The following CFAP45 variants were observed in gnomAD, a reference collection of about 807,000 sequenced individuals.
CFAP45 encodes the protein cilia and flagella associated protein 45, also known as cilia- and flagella-associated protein 45.
In CFAP45, 43 loss-of-function variants were observed where a neutral mutation model predicts 75.6. The observed-to-expected ratio is 0.57, with a 90% CI of 0.45 to 0.73. The LOEUF (loss-of-function observed/expected upper bound fraction) is 0.73, where lower values mean the gene tolerates loss of function less well. CFAP45 is among the 30% of genes least tolerant of loss of function. CFAP45 has a pLI of 0.00. For synonymous variants in CFAP45, 223 were observed against 244.6 expected (o/e 0.91, Z 0.82); for missense variants, 689 against 701.5 (o/e 0.98, Z 0.20).
chr1:159,887,501 A>T (rs1649716948), intron 5 of CFAP45, among the ~76,000 whole-genome samples: 1 of 152,230 alleles, frequency 6.6e-6, no homozygotes, highest in African/African-American at 2.4e-5. Flanking sequence ...GTAACACTGC[A>T]CATTTAATTT....
intron 1 of CFAP45, among the ~76,000 whole-genome samples, chr1:159,897,570 A>C (rs543335503): frequency 6.6e-6 from 1 of 152,332 alleles, no homozygotes; most frequent in South Asian, 2.1e-4. Flanking sequence ...GCGACAGAGC[A>C]AGACTCCATC....
chr1:159,892,939 CA>C (rs1649862166), intron 2 of CFAP45, among the ~76,000 whole-genome samples: 1 of 152,174 alleles, frequency 6.6e-6, no homozygotes, highest in African/African-American at 2.4e-5. Flanking sequence ...GACATTATAA[CA>C]GATTTTAAAC....
rs55908576 is a variant in CFAP45 at position 159,880,051 on chromosome 1, C to T, written c.1044+503G>A. 8.8e-3 allele frequency among the ~76,000 whole-genome samples: 1,337 copies of T among 152,314 alleles called. 6 individuals are homozygous for T. The highest frequency in any genetic ancestry group is 0.014 in the Non-Finnish European group (936 of 68,018). ...AGCTACATCCATCTGCAACTGTCTG[C>T]AGGTATGGCTCTCTCCTCCACTGTG... On this transcript the variant is annotated intron_variant, in intron 8 of 11. Coordinates refer to ENST00000368099, the MANE Select transcript of CFAP45 (RefSeq NM_012337.3).
At chr1:159,880,522 C>T (rs1275390805) in intron 8 of CFAP45, 32 bp downstream of exon 8, 9 of 1,602,454 alleles carry the variant, frequency 5.6e-6, no homozygotes, top group Non-Finnish European at 6.8e-6. Context: ...CATTCCATTC[C>T]TAACCAAAGG....
chr1:159,891,862 T>C (rs933793479), intron 2 of CFAP45, among the ~76,000 whole-genome samples: 2 of 152,262 alleles, frequency 1.3e-5, no homozygotes, highest in African/African-American at 4.8e-5. Context: ...AGCATTTTTC[T>C]GATAGCCCCC....
At position 159,872,575 on chromosome 1, in the gene CFAP45, A is replaced by T; in HGVS notation, c.1578-12T>A. ...GAAGGCCAGTGGCTCTGCCGGGGAAACGCAGGCAGGTATAAGGAAAGGTAT... is the reference window on the plus strand; with the variant it reads ...GAAGGCCAGTGGCTCTGCCGGGGAATCGCAGGCAGGTATAAGGAAAGGTAT... On this transcript the variant is annotated splice_polypyrimidine_tract_variant and intron_variant, in intron 11 of 11. Transcript: ENST00000368099. 1 of 1,612,448 alleles carries T rather than the reference A, an allele frequency of 6.2e-7. No individual in the cohort carries two copies. Among genetic ancestry groups the T allele is most frequent in the Non-Finnish European group, 8.5e-7 (1 of 1,178,448 alleles).
At chr1:159,882,828 A>G (rs1649581884) in intron 7 of CFAP45, among the ~76,000 whole-genome samples, 1 of 152,018 alleles carries the variant, frequency 6.6e-6, no homozygotes, top group Admixed American at 6.5e-5. Context: ...TTTGCCCCAT[A>G]ACTTTCCTTC....
chr1:159,886,202 T>A (rs1649673809), intron 6 of CFAP45, among the ~76,000 whole-genome samples: 1 of 152,034 alleles, frequency 6.6e-6, no homozygotes, highest in South Asian at 2.1e-4. Context: ...TAGCCGGGTG[T>A]GGATGTGCAT....
chr1:159,892,599 C>T (rs1649855269), intron 2 of CFAP45, among the ~76,000 whole-genome samples: 2 of 152,328 alleles, frequency 1.3e-5, no homozygotes, highest in South Asian at 4.1e-4. Context: ...CCCTCTCTTC[C>T]TTCTTACCTA....
intron 5 of CFAP45, among the ~76,000 whole-genome samples, chr1:159,887,296 G>A (rs148132835): frequency 2.0e-5 from 3 of 152,314 alleles, no homozygotes; most frequent in African/African-American, 7.2e-5. Flanking sequence ...GAAATCAGAG[G>A]TGCAGGGATT....
At chr1:159,873,503 C>A in intron 10 of CFAP45, 1 of 313,834 alleles carries the variant, frequency 3.2e-6, no homozygotes, top group Non-Finnish European at 6.0e-6. Context: ...CACTCTCTTG[C>A]TCTGTCACCC....
intron 1 of CFAP45, among the ~76,000 whole-genome samples, chr1:159,896,492 T>C (rs1649953355): frequency 6.6e-6 from 1 of 152,122 alleles, no homozygotes; most frequent in African/African-American, 2.4e-5. Context: ...GTAAACATAC[T>C]AGAAAAAAAT....
intron 7 of CFAP45, among the ~76,000 whole-genome samples, chr1:159,883,791 G>GA (rs1179016966): frequency 6.6e-6 from 1 of 151,792 alleles, no homozygotes; most frequent in Non-Finnish European, 1.5e-5. Flanking sequence ...AAAAATTGAG[G>GA]AAAAAAATAA....
intron 1 of CFAP45, chr1:159,899,841 G>C (rs1374908227): frequency 1.0e-5 from 5 of 477,514 alleles, no homozygotes; most frequent in Non-Finnish European, 1.9e-5. Context: ...AACGGGGAGA[G>C]GGTTGGGGCA....
chr1:159,885,971 G>C (rs545322305), intron 6 of CFAP45, among the ~76,000 whole-genome samples: 1 of 152,214 alleles, frequency 6.6e-6, no homozygotes, highest in Non-Finnish European at 1.5e-5. Context: ...GCACAGAGTA[G>C]ATGGCAGGTA....
At chr1:159,883,081 G>C (rs1187315643) in intron 7 of CFAP45, among the ~76,000 whole-genome samples, 9 of 152,108 alleles carry the variant, frequency 5.9e-5, no homozygotes, top group Admixed American at 2.6e-4. Context: ...ACGTCCCCCT[G>C]TCACTCACCA....
intron 1 of CFAP45, 117 bp from the exon 2 acceptor site, chr1:159,893,422 G>A: frequency 3.1e-6 from 3 of 971,406 alleles, no homozygotes; most frequent in South Asian, 1.4e-5. Context: ...AAAAGAAACA[G>A]TTAGGGAAAG....
At position 159,884,431 on chromosome 1, in the gene CFAP45, G is replaced by C; in HGVS notation, c.897+5C>G. On this transcript the variant is annotated splice_donor_5th_base_variant and intron_variant, in intron 7 of 11. Transcript: ENST00000368099. The stretch of plus-strand genomic sequence containing the variant: ...AAACGTGGCATTGTCTGTCTGGCCT[G>C]TTACCTTTAGATCTTCCTCTTGGAG... 6.2e-7 allele frequency: 1 copy of C among 1,603,634 alleles called. No individual in the cohort carries two copies. Among genetic ancestry groups the C allele is most frequent in the South Asian group, 1.1e-5 (1 of 88,844 alleles).
chr1:159,878,550 C>T (rs528255466), intron 8 of CFAP45, among the ~76,000 whole-genome samples: 1 of 151,676 alleles, frequency 6.6e-6, no homozygotes, highest in East Asian at 1.9e-4. Context: ...GTAAAGAGAT[C>T]AAACCAATCC....
Sources: gnomAD v4.1 joint callset for allele counts (sites outside exome capture counted in the v4.1 genomes callset) on GRCh38, gnomAD v4.1.1 for gene constraint, MANE v1.5 for transcripts, NCBI Gene and HGNC (gene_info 2026-07-23, HGNC 2026-07-21) for gene names.